SPATA6: variants seen among roughly 807,000 people sequenced by gnomAD.
SPATA6 encodes the protein spermatogenesis associated 6.
A neutral mutation model predicts 65.3 loss-of-function variants in SPATA6; 56 were observed. The observed-to-expected ratio is 0.86, with a 90% CI of 0.69 to 1.07. The LOEUF is 1.07. Ranked by LOEUF, SPATA6 falls within the 50% of genes least tolerant of loss-of-function variation. The pLI is 0.00. For synonymous variants in SPATA6, 199 were observed against 213.2 expected (o/e 0.93, Z 0.58); for missense variants, 590 against 594.8 (o/e 0.99, Z 0.08).
intron 3 of SPATA6, among the ~76,000 whole-genome samples, chr1:48,422,862 A>G (rs1442832121): frequency 6.6e-6 from 1 of 152,182 alleles, no homozygotes; most frequent in Non-Finnish European, 1.5e-5. Context: ...AGAATATACC[A>G]AAAGAACTAA....
chr1:48,348,879 A>C (rs997455375), intron 11 of SPATA6, among the ~76,000 whole-genome samples: 2 of 151,974 alleles, frequency 1.3e-5, no homozygotes, highest in African/African-American at 4.8e-5. Flanking sequence ...TTCTTTGTAC[A>C]TTCTTTTTCT....
At chr1:48,273,516 G>A in the SPATA6 span, among the ~76,000 whole-genome samples, 26 of 152,004 alleles carry the variant, frequency 1.7e-4, no homozygotes, top group Admixed American at 1.7e-3. Flanking sequence ...ACAGGCCCCG[G>A]TGGTGTGATG....
intron 12 of SPATA6, among the ~76,000 whole-genome samples, chr1:48,300,511 G>T (rs1454163642): frequency 6.6e-6 from 1 of 151,984 alleles, no homozygotes; most frequent in East Asian, 1.9e-4. Flanking sequence ...GAACTAATAA[G>T]AAGTCTACTC....
the SPATA6 span, among the ~76,000 whole-genome samples, chr1:48,267,821 G>A: frequency 2.4e-5 from 3 of 125,174 alleles, no homozygotes; most frequent in Admixed American, 1.1e-4. Flanking sequence ...ACACGATCTC[G>A]GCTCACTGCA....
In SPATA6 at chr1:48,364,173, T is replaced by A. The variant is rs373247610; in HGVS notation, c.910-4403A>T. 2.6e-5 allele frequency among the ~76,000 whole-genome samples: 4 copies of A among 152,246 alleles called. No homozygotes were observed. The East Asian group carries it at 7.7e-4, about 29-fold the overall frequency. On this transcript the variant is annotated intron_variant, in intron 9 of 12. Coordinates refer to ENST00000371847, the MANE Select transcript of SPATA6 (RefSeq NM_019073.4). Reference sequence around the variant, plus strand: ...TGCATAGTATTCCATGGTGTATATGTGCCACATTTTCTTAATCCAATCTAT... The same window carrying A: ...TGCATAGTATTCCATGGTGTATATGAGCCACATTTTCTTAATCCAATCTAT...
In SPATA6 at chr1:48,384,274, G is replaced by A. The variant is rs928070315; in HGVS notation, c.909+1035C>T. Among the ~76,000 whole-genome samples, 12 of 136,700 alleles carry A rather than the reference G, an allele frequency of 8.8e-5. 1 individual carries two copies. In the South Asian group the frequency reaches 2.7e-3, roughly 31 times the overall value. 89.7% of individuals were successfully genotyped at this position (136,700 alleles called of 152,430 possible). On this transcript the variant is annotated intron_variant, in intron 9 of 12. Coordinates refer to ENST00000371847, the MANE Select transcript of SPATA6 (RefSeq NM_019073.4). Reference sequence around the variant, plus strand: ...TCAGGCAGGGAGGTTGCAGTGAGCCGAGATGGCAGCAGTACCGTCCAGCCT... The same window carrying A: ...TCAGGCAGGGAGGTTGCAGTGAGCCAAGATGGCAGCAGTACCGTCCAGCCT...
At position 48,413,556 on chromosome 1, in the gene SPATA6, C is replaced by T. The variant is rs900705406; in HGVS notation, c.239-405G>A. On this transcript the variant is annotated intron_variant, in intron 3 of 12. Coordinates refer to ENST00000371847, the MANE Select transcript of SPATA6 (RefSeq NM_019073.4). ...TGACCTTGTGATCCACCCACCTCGG[C>T]CTTCCAAAGTGCTGGGATTACAGGT... is the stretch of plus-strand genomic sequence containing the variant. 5.3e-5 allele frequency among the ~76,000 whole-genome samples: 8 copies of T among 151,360 alleles called. No individual in the cohort carries two copies. The Admixed American group carries it at 5.3e-4, about 10-fold the overall frequency.
intron 9 of SPATA6, among the ~76,000 whole-genome samples, chr1:48,370,068 T>C (rs1480273567): frequency 6.6e-6 from 1 of 152,204 alleles, no homozygotes; most frequent in African/African-American, 2.4e-5. Flanking sequence ...AATCATATTA[T>C]TGGCCATAAA....
chr1:48,470,552 G>A (rs1055193881), intron 1 of SPATA6, among the ~76,000 whole-genome samples: 2 of 152,154 alleles, frequency 1.3e-5, no homozygotes, highest in African/African-American at 4.8e-5. Flanking sequence ...TAAAGGGAGA[G>A]TCCAAGAAAA....
rs182048101 is a variant in SPATA6 at position 48,295,428 on chromosome 1, G to A, written c.*3285C>T. On this transcript the variant is annotated 3_prime_UTR_variant, in exon 13 of 13. Transcript: ENST00000371847. ...ATAAAAAGGAATGAAGTATTCATAC[G>A]TGTTACAACATGCATGAACTCTCAA... is the stretch of plus-strand genomic sequence containing the variant. 2.0e-5 allele frequency: 3 copies of A among 152,298 alleles called. No individual in the cohort carries two copies. The highest frequency in any genetic ancestry group is 1.9e-4 in the East Asian group (1 of 5,182). The allele number at this position is 152,298 out of a possible 1,614,324, so 9.4% of individuals were successfully genotyped here.
At chr1:48,434,188 T>C (rs971794895) in intron 3 of SPATA6, among the ~76,000 whole-genome samples, 1 of 151,734 alleles carries the variant, frequency 6.6e-6, no homozygotes, top group Non-Finnish European at 1.5e-5. Context: ...TTATGATATT[T>C]TGTTTAACTC....
chr1:48,458,575 G>A (rs574549345), intron 1 of SPATA6, among the ~76,000 whole-genome samples: 8 of 151,926 alleles, frequency 5.3e-5, no homozygotes, highest in Middle Eastern at 3.4e-3. Context: ...GGCAAAATAT[G>A]GTATGTCCAT....
the SPATA6 span, chr1:48,262,544 A>G: frequency 6.6e-6 from 1 of 152,162 alleles, no homozygotes; most frequent in African/African-American, 2.4e-5. Flanking sequence ...AACAATCTAA[A>G]TGTCCAATAG....
intron 8 of SPATA6, among the ~76,000 whole-genome samples, chr1:48,388,711 ATTT>A (rs113509381): frequency 7.0e-6 from 1 of 142,570 alleles, no homozygotes; most frequent in Non-Finnish European, 1.5e-5. Flanking sequence ...AATACATTTG[ATTT>A]TTTTTTTTTT....
chr1:48,279,019 C>T, the SPATA6 span, among the ~76,000 whole-genome samples: 29 of 152,168 alleles, frequency 1.9e-4, no homozygotes, highest in African/African-American at 7.0e-4. Context: ...AGAGTGGGGG[C>T]CAATATTCAA....
At chr1:48,412,641 C>T (rs138834871) in intron 4 of SPATA6, among the ~76,000 whole-genome samples, 13 of 151,990 alleles carry the variant, frequency 8.6e-5, no homozygotes, top group Middle Eastern at 3.4e-3. Flanking sequence ...TTTTTTGAGA[C>T]GGAGTCTCGC....
intron 9 of SPATA6, among the ~76,000 whole-genome samples, chr1:48,369,426 C>T (rs1348989965): frequency 2.0e-5 from 3 of 152,228 alleles, no homozygotes; most frequent in Non-Finnish European, 4.4e-5. Context: ...TGGTGGGCTC[C>T]ACCCAGTTCG....
In SPATA6 at chr1:48,413,521, C is replaced by A. The variant is rs2147990782; in HGVS notation, c.239-370G>T. Among the ~76,000 whole-genome samples the A allele has an allele frequency of 1.4e-5, 2 of 142,284 alleles. 1 individual carries two copies. Among genetic ancestry groups the A allele is most frequent in the South Asian group, 4.4e-4 (2 of 4,508 alleles). 93.3% of individuals were successfully genotyped at this position (142,284 alleles called of 152,430 possible). ...GTTTCACCATGTTGGCCAGGATGGT[C>A]TCGATCTCCTGACCTTGTGATCCAC... is the stretch of plus-strand genomic sequence containing the variant. On this transcript the variant is annotated intron_variant, in intron 3 of 12. Coordinates refer to ENST00000371847, the MANE Select transcript of SPATA6 (RefSeq NM_019073.4).
intron 8 of SPATA6, among the ~76,000 whole-genome samples, chr1:48,388,798 T>C (rs1179029462): frequency 2.6e-5 from 4 of 152,028 alleles, no homozygotes. Flanking sequence ...AACCTCCGCC[T>C]CCTGGGTTCA....
Sources: allele counts gnomAD v4.1 joint callset (sites outside exome capture counted in the v4.1 genomes callset), GRCh38; gene constraint gnomAD v4.1.1; transcripts MANE v1.5; gene names NCBI Gene and HGNC (gene_info 2026-07-23, HGNC 2026-07-21).